CCDC91: variants seen among roughly 807,000 people sequenced by gnomAD.
The protein encoded by CCDC91 is coiled-coil domain containing 91.
A neutral mutation model predicts 63.2 loss-of-function variants in CCDC91; 48 were observed. The ratio of observed to expected loss-of-function variants is 0.76; its 90% CI spans 0.60 to 0.97. The LOEUF is 0.97. CCDC91 is among the 50% of genes least tolerant of loss of function. The pLI is 0.00. For missense variants in CCDC91, 500 were observed against 494.6 expected, an observed-to-expected ratio of 1.01 and a Z score of -0.10; for synonymous variants, 167 against 165.8, an observed-to-expected ratio of 1.01 and a Z score of -0.06.
At chr12:28,513,366 A>G (rs192525553) in intron 12 of CCDC91, among the ~76,000 whole-genome samples, 1 of 151,870 alleles carries the variant, frequency 6.6e-6, no homozygotes, top group East Asian at 2.0e-4. Flanking sequence ...TTTTAGAGGG[A>G]ATTGTATACA....
chr12:28,351,165 A>G (rs1201439120), intron 6 of CCDC91, among the ~76,000 whole-genome samples: 3 of 152,188 alleles, frequency 2.0e-5, no homozygotes, highest in Non-Finnish European at 4.4e-5. Context: ...CAAAAGTCTC[A>G]ATGTCATCAT....
intron 3 of CCDC91, among the ~76,000 whole-genome samples, chr12:28,267,120 T>C (rs1323438563): frequency 4.6e-5 from 7 of 151,838 alleles, no homozygotes; most frequent in African/African-American, 2.4e-5. Context: ...GCAAAAGATA[T>C]ACAGTGAAAA....
chr12:28,382,487 T>C (rs896025378), intron 7 of CCDC91, among the ~76,000 whole-genome samples: 1 of 152,028 alleles, frequency 6.6e-6, no homozygotes, highest in African/African-American at 2.4e-5. Context: ...GTGTCATAAT[T>C]TGTCAGAATG....
At chr12:28,394,057 G>A (rs753941335) in intron 8 of CCDC91, among the ~76,000 whole-genome samples, 1 of 152,170 alleles carries the variant, frequency 6.6e-6, no homozygotes, top group African/African-American at 2.4e-5. Flanking sequence ...TTAAAATGAC[G>A]TAACGAAATG....
chr12:28,348,624 C>T (rs1351538964), intron 6 of CCDC91, among the ~76,000 whole-genome samples: 6 of 152,232 alleles, frequency 3.9e-5, no homozygotes, highest in African/African-American at 1.4e-4. Flanking sequence ...TCTGTAACAA[C>T]TATTGTTTGG....
At chr12:28,331,885 A>C (rs1189743375) in intron 6 of CCDC91, among the ~76,000 whole-genome samples, 1 of 152,164 alleles carries the variant, frequency 6.6e-6, no homozygotes, top group Non-Finnish European at 1.5e-5. Context: ...TACTCTTAAG[A>C]ATCAAACACT....
At chr12:28,396,720 T>A (rs964634765) in intron 8 of CCDC91, among the ~76,000 whole-genome samples, 5 of 151,728 alleles carry the variant, frequency 3.3e-5, no homozygotes, top group Admixed American at 1.3e-4. Context: ...CACATATATT[T>A]TATATATATA....
chr12:28,267,881 A>T (rs371052798), intron 3 of CCDC91, among the ~76,000 whole-genome samples: 1 of 52,686 alleles, frequency 1.9e-5, no homozygotes, highest in African/African-American at 5.9e-5. Flanking sequence ...AATTATATAT[A>T]ATTATTATAA....
chr12:28,519,482 G>C (rs1028833573), intron 12 of CCDC91, among the ~76,000 whole-genome samples: 2 of 151,802 alleles, frequency 1.3e-5, no homozygotes, highest in Non-Finnish European at 2.9e-5. Flanking sequence ...GGTTTTCTAG[G>C]TAAACAGGTC....
intron 11 of CCDC91, among the ~76,000 whole-genome samples, chr12:28,458,845 C>T (rs1000775170): frequency 6.6e-6 from 1 of 152,106 alleles, no homozygotes; most frequent in East Asian, 1.9e-4. Context: ...ACCTTGACCT[C>T]TTATGTAGAC....
chr12:28,255,051 C>T (rs535189943), intron 1 of CCDC91, among the ~76,000 whole-genome samples: 8 of 152,272 alleles, frequency 5.3e-5, no homozygotes, highest in South Asian at 4.1e-4. Flanking sequence ...GCTGGGATTA[C>T]AGGCGTGAGC....
At chr12:28,281,924 C>T (rs1319508637) in intron 3 of CCDC91, among the ~76,000 whole-genome samples, 4 of 152,084 alleles carry the variant, frequency 2.6e-5, no homozygotes, top group Non-Finnish European at 5.9e-5. Context: ...GAATATTTCT[C>T]CTATTTCTCT....
At chr12:28,270,499 T>G (rs1947689399) in intron 3 of CCDC91, among the ~76,000 whole-genome samples, 1 of 152,158 alleles carries the variant, frequency 6.6e-6, no homozygotes. Flanking sequence ...ATTTGATTAT[T>G]AAGAAATGCT....
At chr12:28,269,778 T>C (rs1947614382) in intron 3 of CCDC91, among the ~76,000 whole-genome samples, 1 of 152,184 alleles carries the variant, frequency 6.6e-6, no homozygotes, top group South Asian at 2.1e-4. Flanking sequence ...GAATATTTTG[T>C]TGTAATTCCT....
At chr12:28,282,249 T>G (rs1948655215) in intron 3 of CCDC91, among the ~76,000 whole-genome samples, 1 of 152,228 alleles carries the variant, frequency 6.6e-6, no homozygotes, top group African/African-American at 2.4e-5. Context: ...CTAATTAAGA[T>G]GATTTAAGGA....
chr12:28,499,420 A>G (rs1324900809), intron 12 of CCDC91, among the ~76,000 whole-genome samples: 2 of 151,716 alleles, frequency 1.3e-5, no homozygotes, highest in African/African-American at 4.8e-5. Context: ...GGTTTGTTTC[A>G]TAGGTATACA....
intron 1 of CCDC91, 129 bp downstream of exon 1, chr12:28,190,770 C>A (rs756630736): frequency 3.9e-5 from 6 of 152,236 alleles, no homozygotes; most frequent in African/African-American, 1.4e-4. Context: ...GCTGCGGCCT[C>A]GCCCTTGGCT....
At chr12:28,223,618 A>T (rs1390251196) in intron 1 of CCDC91, among the ~76,000 whole-genome samples, 1 of 152,136 alleles carries the variant, frequency 6.6e-6, no homozygotes, top group Non-Finnish European at 1.5e-5. Context: ...TTTATATCTG[A>T]TGTAATATCT....
chr12:28,520,385 G>T (rs563286450), intron 12 of CCDC91, among the ~76,000 whole-genome samples: 1 of 152,126 alleles, frequency 6.6e-6, no homozygotes, highest in South Asian at 2.1e-4. Context: ...AGAAGTGTCC[G>T]TTCTTACCTT....
Sources: gnomAD v4.1 joint callset for allele counts (sites outside exome capture counted in the v4.1 genomes callset) on GRCh38, gnomAD v4.1.1 for gene constraint, MANE v1.5 for transcripts, NCBI Gene and HGNC (gene_info 2026-07-23, HGNC 2026-07-21) for gene names.